The following KCNQ3 variants were observed in gnomAD, a reference collection of about 807,000 sequenced individuals.
The protein encoded by KCNQ3 is potassium voltage-gated channel subfamily KQT member 3.
A neutral mutation model predicts 92.5 loss-of-function variants in KCNQ3; 30 were observed. That is an observed-to-expected ratio of 0.32 (90% confidence interval 0.24 to 0.44). The LOEUF (loss-of-function observed/expected upper bound fraction) is 0.44, where lower values mean the gene tolerates loss of function less well. Among genes scored for constraint, KCNQ3 ranks in the 20% least tolerant of loss-of-function variants. KCNQ3 has a pLI of 1.00. For synonymous variants in KCNQ3, 450 were observed against 468.8 expected (o/e 0.96, Z 0.52); for missense variants, 913 against 1,140.3 (o/e 0.80, Z 2.87).
intron 13 of KCNQ3, among the ~76,000 whole-genome samples, chr8:132,134,068 G>A (rs1419738344): frequency 2.0e-5 from 3 of 152,214 alleles, no homozygotes; most frequent in Non-Finnish European, 2.9e-5. Context: ...AAAGTTACAG[G>A]AAGAAATGTC....
At chr8:132,234,875 A>G (rs1448188603) in intron 1 of KCNQ3, among the ~76,000 whole-genome samples, 1 of 152,092 alleles carries the variant, frequency 6.6e-6, no homozygotes, top group Non-Finnish European at 1.5e-5. Context: ...GCCCCCATCC[A>G]ATATTCCCTG....
chr8:132,156,231 G>A (rs1321583241), intron 9 of KCNQ3, among the ~76,000 whole-genome samples: 2 of 151,714 alleles, frequency 1.3e-5, no homozygotes, highest in Non-Finnish European at 2.9e-5. Context: ...TACAGGCTGA[G>A]CTCTCTTCAA....
At chr8:132,415,911 C>A (rs544076583) in intron 1 of KCNQ3, among the ~76,000 whole-genome samples, 1 of 152,278 alleles carries the variant, frequency 6.6e-6, no homozygotes, top group East Asian at 1.9e-4. Context: ...TATTGAGAAA[C>A]ACTGGTCCAT....
chr8:132,173,047 C>T (rs6991887), intron 6 of KCNQ3, among the ~76,000 whole-genome samples: 27,800 of 152,178 alleles, frequency 0.18, 3,154 homozygotes, highest in African/African-American at 0.31. Flanking sequence ...AGTGAGATAA[C>T]CTTTATAAAC....
intron 1 of KCNQ3, among the ~76,000 whole-genome samples, chr8:132,419,679 T>C (rs1357544117): frequency 1.3e-5 from 2 of 152,328 alleles, no homozygotes; most frequent in Non-Finnish European, 1.5e-5. Flanking sequence ...ATACAGGTGC[T>C]ATTCTAGGTG....
At chr8:132,221,341 G>A (rs1425121180) in intron 1 of KCNQ3, among the ~76,000 whole-genome samples, 1 of 152,160 alleles carries the variant, frequency 6.6e-6, no homozygotes, top group Non-Finnish European at 1.5e-5. Flanking sequence ...AGTAATGGGA[G>A]CACTGGGTCA....
intron 1 of KCNQ3, among the ~76,000 whole-genome samples, chr8:132,447,499 A>G (rs1429751402): frequency 1.3e-5 from 2 of 152,190 alleles, no homozygotes; most frequent in African/African-American, 4.8e-5. Flanking sequence ...GAAAAAAAAC[A>G]GGAGAAAGAA....
intron 1 of KCNQ3, among the ~76,000 whole-genome samples, chr8:132,187,950 G>A (rs62519612): frequency 8.0e-5 from 11 of 137,616 alleles, no homozygotes; most frequent in African/African-American, 1.7e-4. Context: ...TGGTGGTGGT[G>A]GTTGTGATGA....
chr8:132,405,105 A>G (rs1442254042), intron 1 of KCNQ3, among the ~76,000 whole-genome samples: 2 of 152,200 alleles, frequency 1.3e-5, no homozygotes, highest in African/African-American at 4.8e-5. Context: ...ACAGCAGCAG[A>G]TGACACATGC....
At chr8:132,293,441 A>G (rs1032978257) in intron 1 of KCNQ3, among the ~76,000 whole-genome samples, 1 of 152,128 alleles carries the variant, frequency 6.6e-6, no homozygotes, top group Non-Finnish European at 1.5e-5. Context: ...GTGTACAGTG[A>G]AAAACCCCCA....
intron 1 of KCNQ3, among the ~76,000 whole-genome samples, chr8:132,229,179 G>A (rs147533329): frequency 0.031 from 4,756 of 151,992 alleles, 95 homozygotes; most frequent in Non-Finnish European, 0.045. Context: ...ACTTGAACCC[G>A]GGAGGAAGAG....
intron 9 of KCNQ3, among the ~76,000 whole-genome samples, chr8:132,162,433 G>A (rs1213531467): frequency 1.3e-5 from 2 of 152,172 alleles, no homozygotes; most frequent in East Asian, 1.9e-4. Context: ...GATGTGGGAT[G>A]AGCCTGTCCT....
At chr8:132,464,115 T>C (rs1216749480) in intron 1 of KCNQ3, among the ~76,000 whole-genome samples, 1 of 152,222 alleles carries the variant, frequency 6.6e-6, no homozygotes, top group East Asian at 1.9e-4. Flanking sequence ...ACATCATTTT[T>C]ATATTAGCAG....
chr8:132,234,313 CTG>C (rs1221408578), intron 1 of KCNQ3, among the ~76,000 whole-genome samples: 9 of 143,378 alleles, frequency 6.3e-5, no homozygotes, highest in Non-Finnish European at 1.2e-4. Flanking sequence ...AGAGCAAAAA[CTG>C]TGCATAATTC....
Position 132,184,298 on chromosome 8 carries a change from G to T in KCNQ3, c.547C>A (p.Arg183=). 1 of 1,614,112 alleles carries T rather than the reference G, an allele frequency of 6.2e-7. No individual in the cohort carries two copies. Among genetic ancestry groups the T allele is most frequent in the East Asian group, 2.2e-5 (1 of 44,878 alleles). Reference sequence around the variant, plus strand: ...AGTCGGCCCCGCCAGCCTTTGTATCGGCAGCAACATCCAGCAGCCCAGATC... The same window carrying T: ...AGTCGGCCCCGCCAGCCTTTGTATCTGCAGCAACATCCAGCAGCCCAGATC... ...LRIWAAGCCC[R]YKGWRGRLKF... is the part of the protein sequence containing the mutation. Residue 183 remains arginine, a synonymous_variant, in exon 3 of 15, where the codon CGA becomes AGA. Coordinates refer to ENST00000388996, the MANE Select transcript of KCNQ3 (RefSeq NM_004519.4).
intron 1 of KCNQ3, among the ~76,000 whole-genome samples, chr8:132,210,607 C>T (rs1472083457): frequency 6.6e-6 from 1 of 152,186 alleles, no homozygotes; most frequent in Non-Finnish European, 1.5e-5. Context: ...TTTAAGGCCA[C>T]AAAGTGTTGG....
At chr8:132,286,732 T>G (rs941263224) in intron 1 of KCNQ3, among the ~76,000 whole-genome samples, 1 of 152,190 alleles carries the variant, frequency 6.6e-6, no homozygotes, top group Non-Finnish European at 1.5e-5. Flanking sequence ...AAACTTATGT[T>G]GAAATTTAAT....
chr8:132,180,121 G>T, intron 4 of KCNQ3, 36 bp downstream of exon 4: 1 of 1,610,950 alleles, frequency 6.2e-7, no homozygotes. Context: ...TGGGTGGGAA[G>T]CCCATGTGGT....
chr8:132,224,525 A>T (rs949850956), intron 1 of KCNQ3, among the ~76,000 whole-genome samples: 1 of 152,098 alleles, frequency 6.6e-6, no homozygotes, highest in East Asian at 1.9e-4. Flanking sequence ...TCCACTGGTG[A>T]GATCTGACTC....
Sources: gnomAD v4.1 joint callset for allele counts (sites outside exome capture counted in the v4.1 genomes callset) on GRCh38, gnomAD v4.1.1 for gene constraint, MANE v1.5 for transcripts, NCBI Gene and HGNC (gene_info 2026-07-23, HGNC 2026-07-21) for gene names.